The following LRBA variants were observed in gnomAD, a reference collection of about 807,000 sequenced individuals.
The protein encoded by LRBA is lipopolysaccharide-responsive and beige-like anchor protein.
LRBA carries 176 observed loss-of-function variants against 330.0 expected under a neutral mutation model. That is an observed-to-expected ratio of 0.53 (90% confidence interval 0.47 to 0.60). LRBA has a LOEUF of 0.60. LRBA is among the 20% of genes least tolerant of loss of function. The pLI, the probability that LRBA is intolerant of heterozygous loss-of-function variation, is 0.00. For synonymous variants in LRBA, 1,230 were observed against 1,193.0 expected (o/e 1.03, Z -0.64); for missense variants, 3,259 against 3,444.8 (o/e 0.95, Z 1.35).
At chr4:150,351,465 G>A (rs1046453621) in intron 47 of LRBA, among the ~76,000 whole-genome samples, 11 of 152,036 alleles carry the variant, frequency 7.2e-5, no homozygotes, top group Non-Finnish European at 1.5e-4. Flanking sequence ...TGAGGTGGGC[G>A]GATCACGAGG....
At chr4:150,504,574 A>G (rs993551329) in intron 40 of LRBA, among the ~76,000 whole-genome samples, 5 of 152,216 alleles carry the variant, frequency 3.3e-5, no homozygotes, top group African/African-American at 7.2e-5. Flanking sequence ...GGCCTGCCCT[A>G]AAGGAGCTCC....
intron 48 of LRBA, among the ~76,000 whole-genome samples, chr4:150,342,571 T>C (rs1735736541): frequency 6.6e-6 from 1 of 152,178 alleles, no homozygotes; most frequent in Admixed American, 6.5e-5. Flanking sequence ...CATAAAAGTT[T>C]AATGTGCTGC....
intron 2 of LRBA, among the ~76,000 whole-genome samples, chr4:150,944,051 G>C (rs1019758960): frequency 2.0e-5 from 3 of 152,172 alleles, no homozygotes; most frequent in African/African-American, 7.2e-5. Flanking sequence ...AAGTCCTCTA[G>C]TCCCAGTTAA....
rs138673828 is a variant in LRBA, at chr4:150,491,369, A to G, written c.6331-334T>C. 4.2e-3 allele frequency among the ~76,000 whole-genome samples: 641 copies of G among 152,178 alleles called. 3 individuals carry two copies. Among genetic ancestry groups the G allele is most frequent in the African/African-American group, 0.015 (620 of 41,570 alleles). ...CATTATGAAAAGTAAAACTTCAGAT[A>G]AAATCTTAAAAACAAAAAGCCCTCA... is the stretch of plus-strand genomic sequence containing the variant. On this transcript the variant is annotated intron_variant, in intron 40 of 56. Transcript: ENST00000651943.
chr4:150,435,513 G>T, intron 46 of LRBA, 76 bp downstream of exon 46: 2 of 1,400,686 alleles, frequency 1.4e-6, no homozygotes, highest in Non-Finnish European at 1.9e-6. Flanking sequence ...CTGTATGGCA[G>T]TAGAGAAAAT....
intron 29 of LRBA, among the ~76,000 whole-genome samples, chr4:150,831,149 T>C (rs1197474578): frequency 6.6e-6 from 1 of 152,126 alleles, no homozygotes; most frequent in East Asian, 1.9e-4. Context: ...GAGAAATCCA[T>C]ACCCAATTAC....
At chr4:150,454,766 T>C (rs1753832964) in intron 44 of LRBA, among the ~76,000 whole-genome samples, 1 of 152,028 alleles carries the variant, frequency 6.6e-6, no homozygotes, top group Non-Finnish European at 1.5e-5. Flanking sequence ...CCAATGTCCG[T>C]TATGCCACTC....
chr4:150,798,744 G>A (rs1176737196), intron 33 of LRBA, among the ~76,000 whole-genome samples: 1 of 152,010 alleles, frequency 6.6e-6, no homozygotes, highest in Non-Finnish European at 1.5e-5. Flanking sequence ...CTTTAGAATG[G>A]ATATTTTATA....
At chr4:150,966,704 C>T (rs1738943493) in intron 2 of LRBA, among the ~76,000 whole-genome samples, 1 of 152,002 alleles carries the variant, frequency 6.6e-6, no homozygotes, top group Non-Finnish European at 1.5e-5. Flanking sequence ...TATTATAAAA[C>T]CAAGAAGGTA....
At chr4:150,380,512 C>T (rs1177491225) in intron 47 of LRBA, among the ~76,000 whole-genome samples, 6 of 151,612 alleles carry the variant, frequency 4.0e-5, no homozygotes, top group Non-Finnish European at 8.8e-5. Flanking sequence ...GGTGTAGGGC[C>T]CTGGGATCTG....
chr4:150,649,502 T>A (rs1779512903), intron 37 of LRBA, among the ~76,000 whole-genome samples: 1 of 152,212 alleles, frequency 6.6e-6, no homozygotes, highest in South Asian at 2.1e-4. Flanking sequence ...CAGTTCTTCT[T>A]CACACTTTGA....
In LRBA at chr4:150,537,827, C is replaced by T. The variant is rs149658082; in HGVS notation, c.6331-46792G>A. 4.2e-3 allele frequency among the ~76,000 whole-genome samples: 644 copies of T among 151,984 alleles called. 3 individuals carry two copies. Among genetic ancestry groups the T allele is most frequent in the African/African-American group, 0.015 (620 of 41,474 alleles). ...AAAATTAGCCAGGCATGGTGGTGCA[C>T]GCCCGTAGTCCCAGCTATTTGGGAG... On this transcript the variant is annotated intron_variant, in intron 40 of 56. Transcript: ENST00000651943.
chr4:150,409,701 C>T (rs1746678938), intron 47 of LRBA, among the ~76,000 whole-genome samples: 1 of 152,084 alleles, frequency 6.6e-6, no homozygotes, highest in South Asian at 2.1e-4. Context: ...TATATTTTTA[C>T]ATTGACTTTA....
chr4:150,980,468 T>C (rs1195872268), intron 2 of LRBA, among the ~76,000 whole-genome samples: 2 of 152,138 alleles, frequency 1.3e-5, no homozygotes, highest in African/African-American at 2.4e-5. Flanking sequence ...CTGGAAGCCA[T>C]AGCTAGAGCA....
intron 37 of LRBA, among the ~76,000 whole-genome samples, chr4:150,667,793 C>T (rs1269209085): frequency 6.6e-6 from 1 of 152,152 alleles, no homozygotes; most frequent in Non-Finnish European, 1.5e-5. Context: ...CTGACTGGCA[C>T]CAGATCACAG....
Position 150,965,826 on chromosome 4 carries a change from G to T in LRBA, c.217-36761C>A, listed in dbSNP as rs112538780. On this transcript the variant is annotated intron_variant, in intron 2 of 56. Transcript: ENST00000651943. ...TGCAAAGTGTTGATGTTACAGGTGT[G>T]AGCCACTGGGCCTGACCTAGGTTTT... 8.6e-3 allele frequency among the ~76,000 whole-genome samples: 1,313 copies of T among 152,016 alleles called. 22 individuals are homozygous for T. The highest frequency in any genetic ancestry group is 0.028 in the African/African-American group (1,176 of 41,432).
chr4:150,507,169 T>C (rs1398985987), intron 40 of LRBA, among the ~76,000 whole-genome samples: 2 of 151,446 alleles, frequency 1.3e-5, no homozygotes, highest in Non-Finnish European at 3.0e-5. Flanking sequence ...AATTTATAGA[T>C]TCAATGCCAT....
chr4:150,730,933 G>T (rs532632879), intron 36 of LRBA, among the ~76,000 whole-genome samples: 3 of 150,390 alleles, frequency 2.0e-5, no homozygotes, highest in African/African-American at 7.3e-5. Context: ...CATGAGAATC[G>T]CCTGAACCAG....
intron 17 of LRBA, among the ~76,000 whole-genome samples, chr4:150,886,686 C>A (rs754978923): frequency 3.3e-5 from 5 of 152,042 alleles, no homozygotes; most frequent in African/African-American, 4.8e-5. Context: ...AACTTGCAGC[C>A]CCACCCTTAC....
Sources: gnomAD v4.1 joint callset for allele counts (sites outside exome capture counted in the v4.1 genomes callset) on GRCh38, gnomAD v4.1.1 for gene constraint, MANE v1.5 for transcripts, NCBI Gene and HGNC (gene_info 2026-07-23, HGNC 2026-07-21) for gene names.